Variants in MRTFB observed in about 807,000 individuals in gnomAD.
MRTFB encodes myocardin-related transcription factor B.
MRTFB carries 29 observed loss-of-function variants against 104.2 expected under a neutral mutation model. The observed-to-expected ratio is 0.28, with a 90% CI of 0.21 to 0.38. MRTFB has a LOEUF of 0.38. MRTFB is among the 10% of genes least tolerant of loss of function. The probability of loss-of-function intolerance (pLI) is 1.00; values close to 1 mark genes in which losing one functional copy is unlikely to be tolerated. For synonymous variants in MRTFB, 535 were observed against 519.5 expected (o/e 1.03, Z -0.41); for missense variants, 1,270 against 1,341.6 (o/e 0.95, Z 0.83).
intron 2 of MRTFB, among the ~76,000 whole-genome samples, chr16:14,119,229 G>C (rs1596934700): frequency 1.3e-5 from 2 of 152,312 alleles, no homozygotes; most frequent in East Asian, 3.9e-4. Context: ...GTGCCATACA[G>C]AAAATGGAAG....
intron 12 of MRTFB, chr16:14,248,637 A>T: frequency 7.1e-6 from 2 of 282,142 alleles, no homozygotes; most frequent in Non-Finnish European, 1.3e-5. Flanking sequence ...TATGTGTAGA[A>T]CTGCCTTAGG....
chr16:14,090,794 T>C (rs1442413436), intron 2 of MRTFB, among the ~76,000 whole-genome samples: 2 of 152,010 alleles, frequency 1.3e-5, no homozygotes, highest in Non-Finnish European at 2.9e-5. Flanking sequence ...AAAATGTAGA[T>C]AGAGGTGTGA....
rs76776834 is a variant in MRTFB at position 14,111,121 on chromosome 16, A to G, written c.-63-29423A>G. On this transcript the variant is annotated intron_variant, in intron 2 of 16. Transcript: ENST00000571589. ...GTAACTTCCTTTGTTTCTTTCCCCT[A>G]AATACCTTAGCCTATAAATTTAAGA... is the stretch of plus-strand genomic sequence containing the variant. Among the ~76,000 whole-genome samples, 717 of 152,260 alleles carry G rather than the reference A, an allele frequency of 4.7e-3. 7 individuals are homozygous for G. The highest frequency in any genetic ancestry group is 5.2e-3 in the Non-Finnish European group (357 of 68,026).
chr16:14,023,661 G>A, the MRTFB span, among the ~76,000 whole-genome samples: 94 of 133,600 alleles, frequency 7.0e-4, no homozygotes, highest in South Asian at 0.01. Flanking sequence ...ATATTTATGT[G>A]TGTGTGTGTG....
At chr16:14,109,291 G>A (rs776835818) in intron 2 of MRTFB, among the ~76,000 whole-genome samples, 10 of 152,110 alleles carry the variant, frequency 6.6e-5, no homozygotes, top group Non-Finnish European at 1.3e-4. Flanking sequence ...AAACTGAACA[G>A]CACCTGCCAC....
At chr16:14,234,072 C>A in intron 8 of MRTFB, 74 bp from the exon 9 acceptor site, 1 of 1,555,146 alleles carries the variant, frequency 6.4e-7, no homozygotes, top group Non-Finnish European at 8.8e-7. Context: ...CAGGTCATTC[C>A]CTTGTAATTC....
chr16:14,162,642 A>G (rs1475141308), intron 3 of MRTFB, among the ~76,000 whole-genome samples: 8 of 152,208 alleles, frequency 5.3e-5, no homozygotes, highest in East Asian at 1.9e-4. Flanking sequence ...AGTATATACT[A>G]TATGATTCCA....
chr16:14,122,866 A>C (rs551288188), intron 2 of MRTFB, among the ~76,000 whole-genome samples: 1 of 152,340 alleles, frequency 6.6e-6, no homozygotes, highest in South Asian at 2.1e-4. Flanking sequence ...GAATCACCAC[A>C]CTGTCTTCGA....
chr16:14,074,540 G>A (rs1453562058), intron 1 of MRTFB, among the ~76,000 whole-genome samples: 1 of 152,128 alleles, frequency 6.6e-6, no homozygotes. Flanking sequence ...TTTTTAAGAT[G>A]CATATGTGAG....
chr16:14,072,158 C>T lies in MRTFB; in HGVS notation c.-129+793C>T, dbSNP rs116280931. On this transcript the variant is annotated intron_variant, in intron 1 of 16. Coordinates refer to ENST00000571589, the MANE Select transcript of MRTFB (RefSeq NM_001308142.2). ...TTTTGTTTCAGCACGCGATTCCACT[C>T]TTGGGAACAGTGGTTCTCAACCTCG... 7.4e-3 allele frequency among the ~76,000 whole-genome samples: 1,120 copies of T among 152,314 alleles called. 17 individuals are homozygous for T. Among genetic ancestry groups the T allele is most frequent in the African/African-American group, 0.026 (1,062 of 41,560 alleles).
chr16:14,139,975 G>A (rs2037912802), intron 2 of MRTFB, among the ~76,000 whole-genome samples: 1 of 152,176 alleles, frequency 6.6e-6, no homozygotes, highest in South Asian at 2.1e-4. Flanking sequence ...GTCAGAATGA[G>A]CCAGGTTTTA....
At chr16:14,076,215 A>G (rs2034042037) in intron 1 of MRTFB, among the ~76,000 whole-genome samples, 1 of 151,928 alleles carries the variant, frequency 6.6e-6, no homozygotes, top group Non-Finnish European at 1.5e-5. Flanking sequence ...TTTTTGAGAC[A>G]GAATCTCACT....
At chr16:14,096,528 A>G (rs533823720) in intron 2 of MRTFB, among the ~76,000 whole-genome samples, 81 of 151,486 alleles carry the variant, frequency 5.3e-4, no homozygotes, top group Admixed American at 3.3e-3. Flanking sequence ...AAGAAGTACT[A>G]TTGCAGGGGA....
intron 2 of MRTFB, among the ~76,000 whole-genome samples, chr16:14,097,292 A>G (rs1037937657): frequency 6.6e-6 from 1 of 152,224 alleles, no homozygotes; most frequent in East Asian, 1.9e-4. Flanking sequence ...TTAAGTGACC[A>G]AGCATTCAGT....
the MRTFB span, among the ~76,000 whole-genome samples, chr16:14,022,935 G>A: frequency 6.6e-6 from 1 of 151,878 alleles, no homozygotes. Flanking sequence ...GACCTCAAGT[G>A]ACCACCGGCC....
intron 2 of MRTFB, among the ~76,000 whole-genome samples, chr16:14,110,164 C>T (rs544585751): frequency 3.3e-5 from 5 of 152,324 alleles, no homozygotes; most frequent in African/African-American, 1.2e-4. Context: ...TATGAAGGGG[C>T]AAGGCAAGCT....
intron 3 of MRTFB, among the ~76,000 whole-genome samples, chr16:14,176,294 T>G (rs2039580804): frequency 6.6e-6 from 1 of 152,172 alleles, no homozygotes; most frequent in African/African-American, 2.4e-5. Flanking sequence ...CTTATAGGAA[T>G]AAGATAAATG....
the MRTFB span, among the ~76,000 whole-genome samples, chr16:14,031,051 G>A: frequency 6.6e-6 from 1 of 152,150 alleles, no homozygotes; most frequent in Non-Finnish European, 1.5e-5. Flanking sequence ...ACAAATAATT[G>A]TCCTGCCCCA....
At chr16:14,152,840 T>C (rs2038681534) in intron 3 of MRTFB, 1 of 152,210 alleles carries the variant, frequency 6.6e-6, no homozygotes, top group Non-Finnish European at 1.5e-5. Context: ...AATGAATTCT[T>C]TAACTGAATT....
Sources: gnomAD v4.1 joint callset for allele counts (sites outside exome capture counted in the v4.1 genomes callset) on GRCh38, gnomAD v4.1.1 for gene constraint, MANE v1.5 for transcripts, NCBI Gene and HGNC (gene_info 2026-07-23, HGNC 2026-07-21) for gene names.